The following PM20D2 variants were observed in gnomAD, a reference collection of about 807,000 sequenced individuals.
PM20D2 encodes xaa-Arg dipeptidase.
A neutral mutation model predicts 42.9 loss-of-function variants in PM20D2; 33 were observed. That is an observed-to-expected ratio of 0.77 (90% confidence interval 0.58 to 1.03). The LOEUF (loss-of-function observed/expected upper bound fraction) is 1.03, where lower values mean the gene tolerates loss of function less well. Ranked by LOEUF, PM20D2 falls within the 50% of genes least tolerant of loss-of-function variation. The probability of loss-of-function intolerance (pLI) is 0.00; values close to 1 mark genes in which losing one functional copy is unlikely to be tolerated. For synonymous variants in PM20D2, 250 were observed against 228.2 expected (o/e 1.10, Z -0.86); for missense variants, 548 against 557.0 (o/e 0.98, Z 0.16).
At chr6:89,143,486 A>C (rs1408047666), upstream of PM20D2, among the ~76,000 whole-genome samples, 2 of 152,102 alleles carry the variant, frequency 1.3e-5, no homozygotes, top group Non-Finnish European at 2.9e-5. Context: ...ACATTTATAT[A>C]CTTTAAAACC....
chr6:89,100,626 T>C, the PM20D2 span, among the ~76,000 whole-genome samples: 9,574 of 151,590 alleles, frequency 0.063, 874 homozygotes, highest in African/African-American at 0.2. Context: ...AACAGGAATT[T>C]AAAAAATTAC....
the PM20D2 span, chr6:89,107,352 A>T: frequency 2.3e-6 from 2 of 883,130 alleles, no homozygotes; most frequent in Admixed American, 2.5e-5. Context: ...AAAAGAAAGA[A>T]CATCATCTAG....
intron 4 of PM20D2, among the ~76,000 whole-genome samples, chr6:89,155,871 C>A (rs1771031399): frequency 6.8e-6 from 1 of 146,954 alleles, no homozygotes. Context: ...GCCACCACAC[C>A]TGGCTAATTT....
the PM20D2 span, among the ~76,000 whole-genome samples, chr6:89,134,766 C>T: frequency 6.6e-6 from 1 of 151,090 alleles, no homozygotes; most frequent in Non-Finnish European, 1.5e-5. Flanking sequence ...GATGGAGATT[C>T]TTGTGCAAGT....
the PM20D2 span, among the ~76,000 whole-genome samples, chr6:89,139,272 G>A: frequency 6.6e-6 from 1 of 152,026 alleles, no homozygotes; most frequent in Admixed American, 6.6e-5. Flanking sequence ...ATGGGGTCTT[G>A]CTGTGTTTCT....
chr6:89,117,767 G>GA, the PM20D2 span: 3 of 1,492,392 alleles, frequency 2.0e-6, no homozygotes, highest in African/African-American at 4.4e-5. Context: ...GCTCCGCGGC[G>GA]CGGCTGTTAC....
At chr6:89,098,666 T>C in the PM20D2 span, 2 of 1,613,892 alleles carry the variant, frequency 1.2e-6, no homozygotes, top group African/African-American at 1.3e-5. Flanking sequence ...AGTTTCAGAA[T>C]TGGTATACCC....
the PM20D2 span, among the ~76,000 whole-genome samples, chr6:89,114,811 T>A: frequency 6.6e-6 from 1 of 152,246 alleles, no homozygotes; most frequent in Non-Finnish European, 1.5e-5. Context: ...TTTTTTTAGT[T>A]TTTGAGACAG....
chr6:89,138,039 T>C, the PM20D2 span, among the ~76,000 whole-genome samples: 2 of 151,422 alleles, frequency 1.3e-5, no homozygotes, highest in South Asian at 2.1e-4. Flanking sequence ...TTTAGTGCTA[T>C]GGTCAAATCT....
At chr6:89,137,849 T>C in the PM20D2 span, among the ~76,000 whole-genome samples, 1,075 of 152,294 alleles carry the variant, frequency 7.1e-3, 13 homozygotes, top group African/African-American at 0.025. Context: ...TCTATTACTC[T>C]AAAATTAATT....
chr6:89,149,041 T>C (rs751298958), intron 1 of PM20D2, among the ~76,000 whole-genome samples: 14 of 152,208 alleles, frequency 9.2e-5, no homozygotes, highest in Non-Finnish European at 1.6e-4. Flanking sequence ...CTTTTTATAG[T>C]GTCTTTAGTA....
chr6:89,131,596 G>A, the PM20D2 span, among the ~76,000 whole-genome samples: 1 of 152,118 alleles, frequency 6.6e-6, no homozygotes, highest in African/African-American at 2.4e-5. Context: ...GGCCTACTTA[G>A]GTTGCTAATG....
At chr6:89,110,847 G>A in the PM20D2 span, among the ~76,000 whole-genome samples, 1 of 152,136 alleles carries the variant, frequency 6.6e-6, no homozygotes, top group Admixed American at 6.5e-5. Flanking sequence ...CAGGCATGGT[G>A]GCTGATACCT....
upstream of PM20D2, among the ~76,000 whole-genome samples, chr6:89,144,786 T>C (rs1251149201): frequency 6.7e-6 from 1 of 150,150 alleles, no homozygotes; most frequent in Non-Finnish European, 1.5e-5. Context: ...ACAGGGTAAT[T>C]TTCTTCAGCA....
the PM20D2 span, chr6:89,117,752 GC>G: frequency 6.9e-7 from 1 of 1,455,722 alleles, no homozygotes; most frequent in African/African-American, 1.5e-5. Flanking sequence ...CCGGGCCTCG[GC>G]CGTGCTCCGC....
chr6:89,109,026 C>A, the PM20D2 span, among the ~76,000 whole-genome samples: 9 of 152,192 alleles, frequency 5.9e-5, no homozygotes, highest in South Asian at 4.2e-4. Flanking sequence ...CAGAATTAAG[C>A]AAATACTTAT....
chr6:89,161,932 T>C (rs1046338959), intron 6 of PM20D2, 42 bp downstream of exon 6: 1 of 1,533,476 alleles, frequency 6.5e-7, no homozygotes, highest in Non-Finnish European at 9.0e-7. Flanking sequence ...CACACACTCT[T>C]CTTCTGGTAG....
chr6:89,138,341 G>A, the PM20D2 span, among the ~76,000 whole-genome samples: 5 of 152,026 alleles, frequency 3.3e-5, no homozygotes, highest in African/African-American at 4.8e-5. Flanking sequence ...AACAACACTC[G>A]GGTACAATTA....
the PM20D2 span, among the ~76,000 whole-genome samples, chr6:89,130,819 C>CTTCTTTTTTTTTTTTTTTTTTTTTT: frequency 4.2e-5 from 1 of 24,036 alleles, no homozygotes; most frequent in African/African-American, 1.4e-4. Flanking sequence ...GCTTCTTCTT[C>CTTCTTTTTTTTTTTTTTTTTTTTTT]TTTTTTTTTT....
Sources: allele counts gnomAD v4.1 joint callset (sites outside exome capture counted in the v4.1 genomes callset), GRCh38; gene constraint gnomAD v4.1.1; transcripts MANE v1.5; gene names NCBI Gene and HGNC (gene_info 2026-07-23, HGNC 2026-07-21).